Variants in NOX4 observed in about 807,000 individuals in gnomAD.
The protein encoded by NOX4 is kidney oxidase-1.
NOX4 carries 69 observed loss-of-function variants against 87.6 expected under a neutral mutation model. The ratio of observed to expected loss-of-function variants is 0.79; its 90% CI spans 0.65 to 0.96. The LOEUF (loss-of-function observed/expected upper bound fraction) is 0.96, where lower values mean the gene tolerates loss of function less well. Ranked by LOEUF, NOX4 falls within the 40% of genes least tolerant of loss-of-function variation. The probability of loss-of-function intolerance (pLI) is 0.00; values close to 1 mark genes in which losing one functional copy is unlikely to be tolerated. For missense variants in NOX4, 680 were observed against 681.5 expected, an observed-to-expected ratio of 1.00 and a Z score of 0.02; for synonymous variants, 275 against 238.2, an observed-to-expected ratio of 1.15 and a Z score of -1.42.
intron 11 of NOX4, among the ~76,000 whole-genome samples, chr11:89,394,954 A>C (rs940965837): frequency 6.6e-6 from 1 of 152,186 alleles, no homozygotes; most frequent in Non-Finnish European, 1.5e-5. Context: ...ATAGTGCCGC[A>C]ATAAACATAC....
the NOX4 span, among the ~76,000 whole-genome samples, chr11:89,540,017 T>C: frequency 6.6e-6 from 1 of 152,170 alleles, no homozygotes; most frequent in South Asian, 2.1e-4. Context: ...GATCTCATCG[T>C]TTAAATCTAG....
chr11:89,444,287 A>C (rs1236991991), intron 4 of NOX4, 55 bp from the exon 5 acceptor site: 9 of 1,438,822 alleles, frequency 6.3e-6, no homozygotes, highest in Non-Finnish European at 7.8e-6. Context: ...GCTCTATGTC[A>C]AGGACTCAGT....
At chr11:89,438,917 A>ATT (rs1944321153) in intron 6 of NOX4, among the ~76,000 whole-genome samples, 1 of 40,014 alleles carries the variant, frequency 2.5e-5, no homozygotes, top group Non-Finnish European at 4.6e-5. Flanking sequence ...TATATAATAT[A>ATT]AAATATATAT....
intron 11 of NOX4, among the ~76,000 whole-genome samples, chr11:89,394,618 C>T (rs988828909): frequency 6.6e-6 from 1 of 152,084 alleles, no homozygotes; most frequent in South Asian, 2.1e-4. Flanking sequence ...TCGTCATTTA[C>T]ATTAGGTATT....
chr11:89,581,306 G>A, the NOX4 span, among the ~76,000 whole-genome samples: 1 of 152,136 alleles, frequency 6.6e-6, no homozygotes, highest in Non-Finnish European at 1.5e-5. Flanking sequence ...TGTGATAACA[G>A]AACTTACCTT....
At position 89,422,427 on chromosome 11, in the gene NOX4, C is replaced by T. The variant is rs185364371; in HGVS notation, c.549-445G>A. 2.0e-3 allele frequency among the ~76,000 whole-genome samples: 311 copies of T among 152,106 alleles called. 2 individuals carry two copies. Among genetic ancestry groups the T allele is most frequent in the South Asian group, 3.7e-3 (18 of 4,820 alleles). The stretch of plus-strand genomic sequence containing the variant: ...AAAAAGAGATAAATGAAATAGATGA[C>T]GACCAAAGTGTTATATTTTTTCCTG... On this transcript the variant is annotated intron_variant, in intron 7 of 17. Transcript: ENST00000263317.
intron 12 of NOX4, among the ~76,000 whole-genome samples, chr11:89,364,962 C>CA (rs1255511733): frequency 1.3e-5 from 2 of 152,034 alleles, no homozygotes; most frequent in Non-Finnish European, 2.9e-5. Context: ...AAAAACAAAA[C>CA]AAAAACACTC....
At chr11:89,445,168 A>G (rs1944638831) in intron 4 of NOX4, among the ~76,000 whole-genome samples, 1 of 152,176 alleles carries the variant, frequency 6.6e-6, no homozygotes, top group African/African-American at 2.4e-5. Flanking sequence ...ATGGTGACAG[A>G]AACAAAAGGC....
At chr11:89,419,906 G>A (rs968717852) in intron 8 of NOX4, among the ~76,000 whole-genome samples, 12 of 151,508 alleles carry the variant, frequency 7.9e-5, no homozygotes, top group African/African-American at 2.9e-4. Flanking sequence ...AAACATAAAG[G>A]CAAAATAATA....
the NOX4 span, among the ~76,000 whole-genome samples, chr11:89,571,901 A>C: frequency 6.6e-6 from 1 of 152,184 alleles, no homozygotes; most frequent in Non-Finnish European, 1.5e-5. Flanking sequence ...CTCACCTGAG[A>C]CAAATGCATG....
chr11:89,514,014 A>G, the NOX4 span, among the ~76,000 whole-genome samples: 2 of 152,096 alleles, frequency 1.3e-5, no homozygotes, highest in East Asian at 1.9e-4. Flanking sequence ...TAGAACCACA[A>G]GGTAAATAAA....
the NOX4 span, among the ~76,000 whole-genome samples, chr11:89,571,255 T>TA: frequency 1.3e-5 from 2 of 152,172 alleles, no homozygotes; most frequent in Admixed American, 1.3e-4. Flanking sequence ...TGATAAACAG[T>TA]AGTTCTACAT....
At chr11:89,541,981 GTT>G in the NOX4 span, among the ~76,000 whole-genome samples, 4 of 149,662 alleles carry the variant, frequency 2.7e-5, no homozygotes, top group African/African-American at 4.9e-5. Flanking sequence ...AATTTTTGTA[GTT>G]TTTTTTTTGT....
chr11:89,461,670 G>A (rs191064356), intron 2 of NOX4, among the ~76,000 whole-genome samples: 473 of 45,240 alleles, frequency 0.01, 6 homozygotes, highest in African/African-American at 0.07. Context: ...AAATAAATAA[G>A]AGAAGAAAAT....
At chr11:89,577,673 C>CT in the NOX4 span, 1 of 152,210 alleles carries the variant, frequency 6.6e-6, no homozygotes, top group African/African-American at 2.4e-5. Flanking sequence ...CAGAGAAAAA[C>CT]TTTTTTCTAT....
At chr11:89,410,894 G>A (rs1374367939) in intron 8 of NOX4, among the ~76,000 whole-genome samples, 1 of 152,144 alleles carries the variant, frequency 6.6e-6, no homozygotes. Flanking sequence ...AGCCAGAGCA[G>A]CCAAGAGAGT....
chr11:89,350,388 T>C (rs1314621437), intron 13 of NOX4, among the ~76,000 whole-genome samples: 1 of 152,212 alleles, frequency 6.6e-6, no homozygotes, highest in African/African-American at 2.4e-5. Context: ...ATTTCATTAT[T>C]TGTTAGATGT....
intron 1 of NOX4, chr11:89,490,771 G>T: frequency 1.4e-6 from 1 of 694,746 alleles, no homozygotes; most frequent in Admixed American, 2.0e-5. Context: ...AAGCATTTGG[G>T]TTGCAAATAG....
the NOX4 span, among the ~76,000 whole-genome samples, chr11:89,583,474 C>T: frequency 6.6e-6 from 1 of 152,116 alleles, no homozygotes; most frequent in Admixed American, 6.6e-5. Flanking sequence ...CATTGAAATG[C>T]TATGCAACAT....
Sources: gnomAD v4.1 joint callset for allele counts (sites outside exome capture counted in the v4.1 genomes callset) on GRCh38, gnomAD v4.1.1 for gene constraint, MANE v1.5 for transcripts, NCBI Gene and HGNC (gene_info 2026-07-23, HGNC 2026-07-21) for gene names.